The following OXNAD1 variants were observed in gnomAD, a reference collection of about 807,000 sequenced individuals.
OXNAD1 encodes the protein oxidoreductase NAD binding domain containing 1, also known as oxidoreductase NAD-binding domain-containing protein 1.
Under a neutral mutation model 32.9 loss-of-function variants are expected in OXNAD1, and 34 were observed. The observed-to-expected ratio is 1.03, with a 90% CI of 0.79 to 1.38. The LOEUF (loss-of-function observed/expected upper bound fraction) is 1.38. Ranked by LOEUF, OXNAD1 falls within the 40% of genes most tolerant of loss-of-function variation. The pLI, the probability that OXNAD1 is intolerant of heterozygous loss-of-function variation, is 0.00. For missense variants in OXNAD1, 407 were observed against 379.4 expected (o/e 1.07, Z -0.60); for synonymous variants, 134 against 135.2 (o/e 0.99, Z 0.06).
chr3:16,350,775 C>A (rs2125318039), downstream of OXNAD1, among the ~76,000 whole-genome samples: 2 of 152,166 alleles, frequency 1.3e-5, no homozygotes, highest in South Asian at 2.1e-4. Context: ...ATCCCTATCA[C>A]AGGAAAAAGG....
Position 16,269,176 on chromosome 3 carries a change from C to T in OXNAD1, c.-108C>T, listed in dbSNP as rs2064761154. The T allele has an allele frequency of 3.3e-6, 5 of 1,520,900 alleles. No homozygotes were observed. The highest frequency in any genetic ancestry group is 2.1e-5 in the Admixed American group (1 of 47,590). The allele number at this position is 1,520,900 out of a possible 1,614,324, so 94.2% of individuals were successfully genotyped here. On this transcript the variant is annotated 5_prime_UTR_variant, in exon 2 of 9. Transcript: ENST00000285083. Reference sequence around the variant, plus strand: ...GGAAAAGCTGTCCATGTTCCAACTGCTGTACATCCAAAAGTCTCAGTGTAA... The same window carrying T: ...GGAAAAGCTGTCCATGTTCCAACTGTTGTACATCCAAAAGTCTCAGTGTAA...
chr3:16,341,603 T>C (rs2071323337), downstream of OXNAD1, among the ~76,000 whole-genome samples: 1 of 152,126 alleles, frequency 6.6e-6, no homozygotes, highest in Admixed American at 6.5e-5. The surrounding 1 kb of genome is among the most constrained non-coding windows in gnomAD (Gnocchi z 4.7). Flanking sequence ...AACCTAAAAC[T>C]ACTCTAAAAT....
At chr3:16,269,966 A>C (rs1324880672) in intron 2 of OXNAD1, among the ~76,000 whole-genome samples, 1 of 152,224 alleles carries the variant, frequency 6.6e-6, no homozygotes, top group African/African-American at 2.4e-5. Flanking sequence ...GGAACCAAAA[A>C]GAAATATCAT....
intron 1 of OXNAD1, among the ~76,000 whole-genome samples, chr3:16,266,841 G>T (rs2064556276): frequency 6.6e-6 from 1 of 152,176 alleles, no homozygotes; most frequent in African/African-American, 2.4e-5. Flanking sequence ...CAGTAATCCA[G>T]TGAGGTGGCG....
chr3:16,295,009 G>A lies in OXNAD1; in HGVS notation c.432+12G>A, dbSNP rs1302145163. 1 of 1,600,314 alleles carries A rather than the reference G, an allele frequency of 6.2e-7. No homozygotes were observed. The highest frequency in any genetic ancestry group is 8.5e-7 in the Non-Finnish European group (1 of 1,174,016). On this transcript the variant is annotated intron_variant, in intron 6 of 8. Coordinates refer to ENST00000285083, the MANE Select transcript of OXNAD1 (RefSeq NM_138381.5). ...GGGTTCACAATACGGTAAGCACACT[G>A]CCTGTTTAAACGCGATGATCTGGGT...
chr3:16,269,481 C>T (rs1441835438), intron 2 of OXNAD1, among the ~76,000 whole-genome samples: 1 of 152,206 alleles, frequency 6.6e-6, no homozygotes, highest in Non-Finnish European at 1.5e-5. Flanking sequence ...TATCGTTTAT[C>T]TAAAGACTAG....
rs551186405 is a variant in OXNAD1, at chr3:16,304,666, A to G, written c.*1104A>G. ...CCAGGCCATTCCTTTTATGACAAGT[A>G]GTCCTGGGCCCAAGGTTGCCTGCAT... On this transcript the variant is annotated 3_prime_UTR_variant, in exon 9 of 9. Coordinates refer to ENST00000285083, the MANE Select transcript of OXNAD1 (RefSeq NM_138381.5). This position sits in a 1 kb window ranked among gnomAD's most constrained non-coding sequence, Gnocchi z 4.6. The G allele has an allele frequency of 6.6e-6, 1 of 152,236 alleles. No homozygotes were observed. The highest frequency in any genetic ancestry group is 6.5e-5 in the Admixed American group (1 of 15,288). 9.4% of individuals were successfully genotyped at this position (152,236 alleles called of 1,614,324 possible).
At chr3:16,325,721 A>G (rs1340564600) in intron 9 of OXNAD1, among the ~76,000 whole-genome samples, 1 of 152,222 alleles carries the variant, frequency 6.6e-6, no homozygotes, top group Non-Finnish European at 1.5e-5. Flanking sequence ...CCCCTGGTGC[A>G]CTGACCCACT....
rs537614825 is a variant in OXNAD1, at chr3:16,296,076, G to A, written c.432+1079G>A. Among the ~76,000 whole-genome samples, 12 of 152,316 alleles carry A rather than the reference G, an allele frequency of 7.9e-5. No individual in the cohort carries two copies. In the East Asian group the frequency reaches 9.6e-4, roughly 12 times the overall value. On this transcript the variant is annotated intron_variant, in intron 6 of 8. Transcript: ENST00000285083. ...AAAGAGGGTATGGAAACACAGTTGC[G>A]TTTTGTGGCTGTAGAAGGCCCACCT...
At position 16,290,876 on chromosome 3, in the gene OXNAD1, G is replaced by A. The variant is rs2066385361; in HGVS notation, c.291-3980G>A. On this transcript the variant is annotated intron_variant, in intron 5 of 8. Transcript: ENST00000285083. This position sits in a 1 kb window ranked among gnomAD's most constrained non-coding sequence, Gnocchi z 4.2. ...CATCTTTTGCTTTTCTTTTAGGCCT[G>A]TATGTAGGTAAGCAACTGGGGAAGG... 1.3e-5 allele frequency among the ~76,000 whole-genome samples: 2 copies of A among 152,154 alleles called. No individual in the cohort carries two copies. Among genetic ancestry groups the A allele is most frequent in the African/African-American group, 2.4e-5 (1 of 41,428 alleles).
rs193209288 is a variant in OXNAD1, at chr3:16,312,676, T to C, written c.*30+9084T>C. 1.6e-4 allele frequency among the ~76,000 whole-genome samples: 24 copies of C among 152,326 alleles called. No homozygotes were observed. In the East Asian group the frequency reaches 4.4e-3, roughly 28 times the overall value. On this transcript the variant is annotated intron_variant, in intron 9 of 9. Coordinates refer to the OXNAD1 transcript ENST00000435829. The surrounding 1 kb of genome is among the most constrained non-coding windows in gnomAD (Gnocchi z 4.7). Reference sequence around the variant, plus strand: ...CCTACTAATAAGCACTGTCTACACCTGAGAGCTATTCCTGAACGATTTTGT... The same window carrying C: ...CCTACTAATAAGCACTGTCTACACCCGAGAGCTATTCCTGAACGATTTTGT...
chr3:16,320,793 T>C lies in OXNAD1; in HGVS notation c.*31-16319T>C, dbSNP rs842421. On this transcript the variant is annotated intron_variant, in intron 9 of 9. Transcript: ENST00000435829. The surrounding 1 kb of genome is among the most constrained non-coding windows in gnomAD (Gnocchi z 4.5). ...GAGAATGGGAGGCTGGCAGAGGAGG[T>C]AAGAGGGACCAGATCCCTTGGGGCC... is the stretch of plus-strand genomic sequence containing the variant. Among the ~76,000 whole-genome samples, 72,131 of 151,930 alleles carry C rather than the reference T, an allele frequency of 0.47. 17,502 individuals are homozygous for C. The highest frequency in any genetic ancestry group is 0.52 in the Non-Finnish European group (35,532 of 67,920).
downstream of OXNAD1, among the ~76,000 whole-genome samples, chr3:16,307,652 A>G (rs1261095799): frequency 6.6e-6 from 1 of 152,252 alleles, no homozygotes; most frequent in Non-Finnish European, 1.5e-5. Context: ...TATAAAGAGA[A>G]GAAAAAAGAT....
chr3:16,318,020 C>T (rs905891080), intron 9 of OXNAD1, among the ~76,000 whole-genome samples: 2 of 152,212 alleles, frequency 1.3e-5, no homozygotes, highest in African/African-American at 4.8e-5. Context: ...ATCTCAGAGG[C>T]CGCTTCCCGG....
chr3:16,347,979 TAAG>T (rs1485905648), intron 9 of OXNAD1: 1 of 152,160 alleles, frequency 6.6e-6, no homozygotes, highest in Non-Finnish European at 1.5e-5. Context: ...GACACAATTT[TAAG>T]AACATCCCGT....
In OXNAD1 at chr3:16,314,892, T is replaced by C. The variant is rs970916861; in HGVS notation, c.*30+11300T>C. On this transcript the variant is annotated intron_variant, in intron 9 of 9. Coordinates refer to the OXNAD1 transcript ENST00000435829. This position sits in a 1 kb window ranked among gnomAD's most constrained non-coding sequence, Gnocchi z 4.4. The stretch of plus-strand genomic sequence containing the variant: ...TTTAAAATCATGATCCTTTAAGATA[T>C]GTGCCAAGAGATAATGTTTTTATTA... 6 of 152,294 alleles carry C rather than the reference T, an allele frequency of 3.9e-5. No homozygotes were observed. The highest frequency in any genetic ancestry group is 1.2e-4 in the African/African-American group (5 of 41,576). 9.4% of individuals were successfully genotyped at this position (152,294 alleles called of 1,614,324 possible).
At chr3:16,325,221 T>TA (rs1203519459) in intron 9 of OXNAD1, among the ~76,000 whole-genome samples, 2 of 152,212 alleles carry the variant, frequency 1.3e-5, no homozygotes, top group Non-Finnish European at 2.9e-5. Flanking sequence ...GGAATCCAAC[T>TA]ACCACTTTTA....
intron 9 of OXNAD1, chr3:16,347,592 T>C (rs1297945493): frequency 6.6e-6 from 1 of 152,252 alleles, no homozygotes; most frequent in African/African-American, 2.4e-5. Context: ...TCTGCCTCTC[T>C]GTTACACAGA....
In OXNAD1 at chr3:16,314,045, G is replaced by A. The variant is rs995112919; in HGVS notation, c.*30+10453G>A. On this transcript the variant is annotated intron_variant, in intron 9 of 9. Coordinates refer to the OXNAD1 transcript ENST00000435829. The surrounding 1 kb of genome is among the most constrained non-coding windows in gnomAD (Gnocchi z 4.4). ...AGAATCTGGATTCAGCCACAACATC[G>A]TAGGAATGCCACATTTCAATCACCT... Among the ~76,000 whole-genome samples the A allele has an allele frequency of 7.9e-5, 12 of 151,974 alleles. No homozygotes were observed. The highest frequency in any genetic ancestry group is 3.3e-4 in the Admixed American group (5 of 15,270).
Sources: allele counts gnomAD v4.1 joint callset (sites outside exome capture counted in the v4.1 genomes callset), GRCh38; gene constraint gnomAD v4.1.1; non-coding constraint Gnocchi (gnomAD v3.1); transcripts MANE v1.5; gene names NCBI Gene and HGNC (gene_info 2026-07-23, HGNC 2026-07-21).